PARD3B: variants seen among roughly 807,000 people sequenced by gnomAD.
PARD3B encodes par-3 family cell polarity regulator beta.
A neutral mutation model predicts 130.2 loss-of-function variants in PARD3B; 103 were observed. The observed-to-expected ratio is 0.79, with a 90% CI of 0.67 to 0.93. The LOEUF is 0.93. Ranked by LOEUF, PARD3B falls within the 40% of genes least tolerant of loss-of-function variation. The pLI, the probability that PARD3B is intolerant of heterozygous loss-of-function variation, is 0.00. For missense variants in PARD3B, 1,609 were observed against 1,499.2 expected, an observed-to-expected ratio of 1.07 and a Z score of -1.21; for synonymous variants, 583 against 553.2, an observed-to-expected ratio of 1.05 and a Z score of -0.76.
In PARD3B at chr2:205,125,536, T is replaced by G. The variant is rs1470545441; in HGVS notation, c.1306-73T>G. ...ATGGGAGCCCATTTGCTTCTTGTTT[T>G]CAAAAACTATCTAGTGTAGAAGGAG... On this transcript the variant is annotated intron_variant, in intron 9 of 22. Transcript: ENST00000406610. The surrounding 1 kb of genome is among the most constrained non-coding windows in gnomAD (Gnocchi z 4.0). 4 of 1,522,500 alleles carry G rather than the reference T, an allele frequency of 2.6e-6. No homozygotes were observed. The African/African-American group carries it at 5.6e-5, about 21-fold the overall frequency. The allele number at this position is 1,522,500 out of a possible 1,614,324, so 94.3% of individuals were successfully genotyped here.
At chr2:204,613,012 T>G (rs1167645166) in intron 1 of PARD3B, among the ~76,000 whole-genome samples, 1 of 152,138 alleles carries the variant, frequency 6.6e-6, no homozygotes, top group East Asian at 1.9e-4. Context: ...GATAAAATAT[T>G]GTTGAAAGCT....
chr2:205,434,738 A>G (rs2047450925), intron 19 of PARD3B, among the ~76,000 whole-genome samples: 1 of 152,200 alleles, frequency 6.6e-6, no homozygotes, highest in Non-Finnish European at 1.5e-5. Context: ...CAATAATTTG[A>G]AGAAAATTGT....
intron 10 of PARD3B, among the ~76,000 whole-genome samples, chr2:205,126,269 C>T (rs928684477): frequency 2.0e-5 from 3 of 152,108 alleles, no homozygotes; most frequent in East Asian, 3.9e-4. Context: ...AATGTATACC[C>T]TTAGACCTAG....
chr2:204,830,635 A>G (rs190879210), intron 2 of PARD3B, among the ~76,000 whole-genome samples: 36 of 152,346 alleles, frequency 2.4e-4, no homozygotes, highest in Admixed American at 3.9e-4. Context: ...TATAAGACCA[A>G]GCAGACCAAG....
At chr2:205,179,646 G>GAGTA (rs1408895473) in intron 13 of PARD3B, among the ~76,000 whole-genome samples, 3 of 152,166 alleles carry the variant, frequency 2.0e-5, no homozygotes, top group Non-Finnish European at 4.4e-5. Context: ...TTCTAGGTTT[G>GAGTA]AGTAAGTACA....
chr2:205,087,640 A>G (rs1701821512), intron 4 of PARD3B, among the ~76,000 whole-genome samples: 1 of 152,050 alleles, frequency 6.6e-6, no homozygotes. Flanking sequence ...ATTTGTTGAA[A>G]TGATATTACC....
At chr2:205,185,739 A>G in intron 13 of PARD3B, 25 bp from the exon 14 acceptor site, 1 of 1,598,820 alleles carries the variant, frequency 6.3e-7, no homozygotes, top group Non-Finnish European at 8.6e-7. Context: ...CACTTTATAC[A>G]GCTTCATTTG....
At chr2:205,023,084 C>T (rs1351692628) in intron 3 of PARD3B, among the ~76,000 whole-genome samples, 2 of 152,164 alleles carry the variant, frequency 1.3e-5, no homozygotes, top group East Asian at 1.9e-4. Context: ...GACAGCACTC[C>T]AGGTGCCTTT....
At chr2:204,649,545 ACACCAC>A (rs1013575918) in intron 1 of PARD3B, among the ~76,000 whole-genome samples, 2 of 151,962 alleles carry the variant, frequency 1.3e-5, no homozygotes, top group African/African-American at 4.8e-5. Flanking sequence ...CTGGTAAACA[ACACCAC>A]CACCACCACC....
rs2036392291 is a variant in PARD3B at position 204,673,300 on chromosome 2, T to C, written c.121-12881T>C. Reference sequence around the variant, plus strand: ...TTTCTTTTAAAAGAAAAGGTACCTTTAAACATATTTAATGCTGATGTAAAA... The same window carrying C: ...TTTCTTTTAAAAGAAAAGGTACCTTCAAACATATTTAATGCTGATGTAAAA... On this transcript the variant is annotated intron_variant, in intron 1 of 22. Coordinates refer to ENST00000406610, the MANE Select transcript of PARD3B (RefSeq NM_001302769.2). This position sits in a 1 kb window ranked among gnomAD's most constrained non-coding sequence, Gnocchi z 4.7. Among the ~76,000 whole-genome samples, 1 of 152,226 alleles carries C rather than the reference T, an allele frequency of 6.6e-6. No homozygotes were observed. The highest frequency in any genetic ancestry group is 1.5e-5 in the Non-Finnish European group (1 of 68,030).
intron 16 of PARD3B, among the ~76,000 whole-genome samples, chr2:205,297,305 G>A (rs889710465): frequency 1.3e-5 from 2 of 152,116 alleles, no homozygotes; most frequent in African/African-American, 4.8e-5. Flanking sequence ...TAAATGGTGA[G>A]GCTAGACATA....
intron 21 of PARD3B, among the ~76,000 whole-genome samples, chr2:205,536,197 G>A (rs1413255470): frequency 6.6e-6 from 1 of 152,130 alleles, no homozygotes; most frequent in Admixed American, 6.5e-5. Flanking sequence ...TGGAACAAGC[G>A]TGTGGTGTCT....
chr2:205,430,430 G>A (rs2047291983), intron 19 of PARD3B, among the ~76,000 whole-genome samples: 1 of 152,176 alleles, frequency 6.6e-6, no homozygotes, highest in Non-Finnish European at 1.5e-5. Context: ...TAGTCACGTT[G>A]AAATTTAATT....
intron 1 of PARD3B, among the ~76,000 whole-genome samples, chr2:204,618,872 T>C (rs1224897232): frequency 6.6e-6 from 1 of 152,144 alleles, no homozygotes; most frequent in Non-Finnish European, 1.5e-5. Context: ...GGAGTCTATT[T>C]TTCCTTCTTT....
intron 9 of PARD3B, among the ~76,000 whole-genome samples, chr2:205,124,788 T>C (rs899608377): frequency 2.6e-5 from 4 of 152,198 alleles, no homozygotes; most frequent in Non-Finnish European, 5.9e-5. Context: ...ATATATTCAG[T>C]TAGGGCTAAA....
intron 2 of PARD3B, among the ~76,000 whole-genome samples, chr2:204,790,176 G>A (rs902754747): frequency 1.6e-4 from 24 of 152,092 alleles, no homozygotes; most frequent in African/African-American, 5.8e-4. Flanking sequence ...AGCCTCTGAT[G>A]TTTTTATAAA....
chr2:204,920,845 C>T (rs186463287), intron 2 of PARD3B, among the ~76,000 whole-genome samples: 49 of 152,240 alleles, frequency 3.2e-4, no homozygotes, highest in African/African-American at 8.4e-4. Flanking sequence ...TCCATGTCAT[C>T]GTGTTTGACA....
At position 205,325,935 on chromosome 2, in the gene PARD3B, ATT is replaced by A. The variant is rs1213173759; in HGVS notation, c.2630+24235_2630+24236del. On this transcript the variant is annotated intron_variant, in intron 18 of 22. Transcript: ENST00000406610. This position sits in a 1 kb window ranked among gnomAD's most constrained non-coding sequence, Gnocchi z 4.1. The stretch of plus-strand genomic sequence containing the variant: ...AAAACATCCTATCATCGTAGACTTC[ATT>A]GCCTGTGTATCTTAATGTGAATATC... Among the ~76,000 whole-genome samples, 1 of 152,190 alleles carries A rather than the reference ATT, an allele frequency of 6.6e-6. No individual in the cohort carries two copies. The highest frequency in any genetic ancestry group is 1.5e-5 in the Non-Finnish European group (1 of 68,028).
intron 15 of PARD3B, among the ~76,000 whole-genome samples, chr2:205,245,120 TG>T (rs2039513901): frequency 2.0e-5 from 3 of 152,204 alleles, no homozygotes; most frequent in Admixed American, 2.0e-4. Context: ...GCCCTCAAGC[TG>T]GGGCCATCAC....
Sources: allele counts gnomAD v4.1 joint callset (sites outside exome capture counted in the v4.1 genomes callset), GRCh38; gene constraint gnomAD v4.1.1; non-coding constraint Gnocchi (gnomAD v3.1); transcripts MANE v1.5; gene names NCBI Gene and HGNC (gene_info 2026-07-23, HGNC 2026-07-21).